FHIT: variants seen among roughly 807,000 people sequenced by gnomAD.
FHIT encodes the protein fragile histidine triad diadenosine triphosphatase.
Under a neutral mutation model 17.9 loss-of-function variants are expected in FHIT, and 19 were observed. That is an observed-to-expected ratio of 1.06 (90% confidence interval 0.74 to 1.56). The LOEUF (loss-of-function observed/expected upper bound fraction) is 1.56, where lower values mean the gene tolerates loss of function less well. Among genes scored for constraint, FHIT ranks in the 40% most tolerant of loss-of-function variants. The pLI is 0.00. For synonymous variants in FHIT, 81 were observed against 69.7 expected (o/e 1.16, Z -0.81); for missense variants, 248 against 189.2 (o/e 1.31, Z -1.82).
chr3:61,105,515 T>C (rs2035964613), intron 2 of FHIT, among the ~76,000 whole-genome samples: 1 of 152,134 alleles, frequency 6.6e-6, no homozygotes, highest in Non-Finnish European at 1.5e-5. Context: ...TTCTGTTTGA[T>C]ATGTGAATAT....
At position 60,776,548 on chromosome 3, in the gene FHIT, C is replaced by G. The variant is rs55854119; in HGVS notation, c.-18+45371G>C. ...TTGCTAAGTGTTTTGAGGTTACAAA[C>G]TGCTTTTTGGGTTTTCAGAACTATA... On this transcript the variant is annotated intron_variant, in intron 4 of 9. Transcript: ENST00000492590. Among the ~76,000 whole-genome samples, 434 of 152,272 alleles carry G rather than the reference C, an allele frequency of 2.9e-3. 4 individuals are homozygous for G. Among genetic ancestry groups the G allele is most frequent in the South Asian group, 0.026 (127 of 4,816 alleles).
chr3:60,906,892 C>G (rs1046306228), intron 3 of FHIT, among the ~76,000 whole-genome samples: 3 of 152,102 alleles, frequency 2.0e-5, no homozygotes, highest in Admixed American at 6.5e-5. Context: ...AGACCGTGCT[C>G]TATGAATAAA....
intron 4 of FHIT, among the ~76,000 whole-genome samples, chr3:60,595,549 A>G (rs200196346): frequency 1.6e-5 from 2 of 128,798 alleles, no homozygotes; most frequent in African/African-American, 2.8e-5. Flanking sequence ...ATGTGTGTGT[A>G]TATATGGACA....
chr3:60,155,061 C>A (rs1179664976), intron 5 of FHIT, among the ~76,000 whole-genome samples: 4 of 151,832 alleles, frequency 2.6e-5, no homozygotes, highest in Non-Finnish European at 5.9e-5. Flanking sequence ...CAGGCATGCA[C>A]CTGTACTCTC....
At chr3:60,356,751 G>GAAA (rs1559848286) in intron 5 of FHIT, among the ~76,000 whole-genome samples, 1 of 4,792 alleles carries the variant, frequency 2.1e-4, no homozygotes, top group African/African-American at 1.7e-3. Flanking sequence ...GGAAGACAGA[G>GAAA]ACAAAAAAAA....
chr3:60,809,717 CT>C (rs1701511988), intron 4 of FHIT, among the ~76,000 whole-genome samples: 2 of 152,076 alleles, frequency 1.3e-5, no homozygotes, highest in African/African-American at 4.8e-5. Context: ...AGTTTTTAAC[CT>C]TCTGAAACCT....
chr3:59,911,489 A>C (rs1704873656), intron 8 of FHIT, among the ~76,000 whole-genome samples: 2 of 152,264 alleles, frequency 1.3e-5, no homozygotes, highest in Non-Finnish European at 2.9e-5. Flanking sequence ...TTATCAAGCT[A>C]ATTTTCAGGG....
chr3:61,033,864 G>T (rs544318769), intron 3 of FHIT, among the ~76,000 whole-genome samples: 6 of 152,246 alleles, frequency 3.9e-5, no homozygotes, highest in South Asian at 2.1e-4. Context: ...ACAAAGATGG[G>T]TCAGTGGCTG....
At chr3:60,533,378 T>C (rs2035857335) in intron 5 of FHIT, among the ~76,000 whole-genome samples, 1 of 152,172 alleles carries the variant, frequency 6.6e-6, no homozygotes, top group Non-Finnish European at 1.5e-5. Flanking sequence ...ACAGTACATT[T>C]GGATGCTAAG....
intron 8 of FHIT, among the ~76,000 whole-genome samples, chr3:59,911,471 G>A (rs992561860): frequency 1.3e-5 from 2 of 152,130 alleles, no homozygotes; most frequent in African/African-American, 4.8e-5. Flanking sequence ...GCCTTTTAGG[G>A]GAGCAATTTA....
At chr3:60,434,462 G>C (rs2030028822) in intron 5 of FHIT, among the ~76,000 whole-genome samples, 1 of 151,950 alleles carries the variant, frequency 6.6e-6, no homozygotes, top group Non-Finnish European at 1.5e-5. Flanking sequence ...TTGCATAGGG[G>C]ATACATTTGA....
At chr3:60,280,904 G>T (rs968727356) in intron 5 of FHIT, among the ~76,000 whole-genome samples, 1 of 71,480 alleles carries the variant, frequency 1.4e-5, no homozygotes, top group Non-Finnish European at 2.7e-5. Context: ...AACTGTTTTT[G>T]CTCTCATGAT....
At chr3:59,891,300 C>T (rs1703844664) in intron 8 of FHIT, among the ~76,000 whole-genome samples, 1 of 152,136 alleles carries the variant, frequency 6.6e-6, no homozygotes, top group African/African-American at 2.4e-5. Context: ...GACAACTAAC[C>T]ACAAACCAGG....
intron 4 of FHIT, among the ~76,000 whole-genome samples, chr3:60,630,785 C>G (rs543811699): frequency 4.6e-5 from 7 of 152,066 alleles, no homozygotes; most frequent in Admixed American, 2.0e-4. Context: ...CCTATCTTGA[C>G]GTCCCTCTGG....
At chr3:60,056,327 G>T (rs1260497470) in intron 5 of FHIT, among the ~76,000 whole-genome samples, 1 of 152,140 alleles carries the variant, frequency 6.6e-6, no homozygotes, top group Non-Finnish European at 1.5e-5. Context: ...GATTTATTTG[G>T]AACTAAAAGG....
At chr3:61,047,412 T>C (rs920751551) in intron 2 of FHIT, among the ~76,000 whole-genome samples, 1 of 152,142 alleles carries the variant, frequency 6.6e-6, no homozygotes, top group African/African-American at 2.4e-5. Context: ...TGCCTAGGAA[T>C]GCAACTTACA....
chr3:61,071,318 T>C (rs2034798958), intron 2 of FHIT, among the ~76,000 whole-genome samples: 1 of 152,228 alleles, frequency 6.6e-6, no homozygotes, highest in Non-Finnish European at 1.5e-5. Flanking sequence ...CTATACAACA[T>C]ACTTGGATTG....
At chr3:59,750,893 C>A (rs1700859595) in intron 9 of FHIT, 2 of 198,956 alleles carry the variant, frequency 1.0e-5, no homozygotes, top group South Asian at 3.8e-4. Context: ...TTTTTCCAAT[C>A]AATTGCTAAC....
chr3:61,116,073 C>T (rs961281763), intron 2 of FHIT, among the ~76,000 whole-genome samples: 1 of 151,992 alleles, frequency 6.6e-6, no homozygotes, highest in African/African-American at 2.4e-5. Flanking sequence ...AATTTTCTTA[C>T]AGAAACAACA....
Sources: allele counts gnomAD v4.1 joint callset (sites outside exome capture counted in the v4.1 genomes callset), GRCh38; gene constraint gnomAD v4.1.1; transcripts MANE v1.5; gene names NCBI Gene and HGNC (gene_info 2026-07-23, HGNC 2026-07-21).